Variants in LPAR6 observed in about 807,000 individuals in gnomAD.
The protein encoded by LPAR6 is G-protein coupled purinergic receptor P2Y5.
A neutral mutation model predicts 22.0 loss-of-function variants in LPAR6; 17 were observed. The ratio of observed to expected loss-of-function variants is 0.77; its 90% confidence interval spans 0.53 to 1.16. The LOEUF (loss-of-function observed/expected upper bound fraction) is 1.16. Among genes scored for constraint, LPAR6 ranks in the 50% most tolerant of loss-of-function variants. The pLI is 0.00. For synonymous variants in LPAR6, 136 were observed against 139.8 expected, an observed-to-expected ratio of 0.97 and a Z score of 0.19; for missense variants, 384 against 406.9, an observed-to-expected ratio of 0.94 and a Z score of 0.48.
intron 1 of LPAR6, chr13:48,439,675 G>A (rs149721370): frequency 1.0e-3 from 153 of 152,290 alleles, no homozygotes; most frequent in African/African-American, 3.6e-3. Context: ...GCTATTGAAT[G>A]TGTTATGATT....
downstream of LPAR6, chr13:48,406,574 T>C (rs896122145): frequency 1.3e-5 from 2 of 152,242 alleles, no homozygotes; most frequent in East Asian, 1.9e-4. Context: ...TCTTGAGGAC[T>C]TTCCACAGCT....
At chr13:48,406,866 C>T (rs1015199380), downstream of LPAR6, among the ~76,000 whole-genome samples, 2 of 152,056 alleles carry the variant, frequency 1.3e-5, no homozygotes, top group Non-Finnish European at 2.9e-5. Flanking sequence ...CCAGCCTGGG[C>T]AATATAGCAA....
At chr13:48,397,529 A>C (rs2138173842) in intron 1 of LPAR6, among the ~76,000 whole-genome samples, 1 of 152,298 alleles carries the variant, frequency 6.6e-6, no homozygotes, top group East Asian at 1.9e-4. Flanking sequence ...GCATTAGGAA[A>C]AATACCTAAT....
intron 1 of LPAR6, among the ~76,000 whole-genome samples, chr13:48,436,633 G>A (rs956431499): frequency 6.9e-6 from 1 of 145,752 alleles, no homozygotes; most frequent in African/African-American, 2.5e-5. Flanking sequence ...ACAAGAGCAA[G>A]ACTCTCTCTT....
intron 1 of LPAR6, among the ~76,000 whole-genome samples, chr13:48,433,841 C>T (rs1949155766): frequency 6.6e-6 from 1 of 151,924 alleles, no homozygotes; most frequent in African/African-American, 2.4e-5. Flanking sequence ...AGAAGCATAT[C>T]TTACAACTTT....
intron 1 of LPAR6, among the ~76,000 whole-genome samples, chr13:48,402,134 A>T (rs762722643): frequency 9.9e-5 from 15 of 152,142 alleles, no homozygotes; most frequent in African/African-American, 2.4e-4. Context: ...TGAACATAGG[A>T]TACACTAATC....
intron 2 of LPAR6, among the ~76,000 whole-genome samples, chr13:48,418,607 T>C (rs1402019773): frequency 6.7e-6 from 1 of 150,038 alleles, no homozygotes; most frequent in African/African-American, 2.5e-5. Context: ...GGATAAAGAG[T>C]CAAGACCCAT....
intron 1 of LPAR6, among the ~76,000 whole-genome samples, chr13:48,423,266 T>G (rs1391438162): frequency 6.6e-6 from 1 of 152,190 alleles, no homozygotes; most frequent in Non-Finnish European, 1.5e-5. Flanking sequence ...GTTGGGTTTT[T>G]GTTTTTGTTT....
downstream of LPAR6, among the ~76,000 whole-genome samples, chr13:48,409,714 G>T (rs1269952136): frequency 1.3e-5 from 2 of 151,166 alleles, no homozygotes; most frequent in Non-Finnish European, 2.9e-5. Flanking sequence ...CCGAGTAGCT[G>T]GGACTACAGG....
chr13:48,422,219 G>T (rs1384834615), intron 2 of LPAR6, among the ~76,000 whole-genome samples: 1 of 152,128 alleles, frequency 6.6e-6, no homozygotes, highest in Non-Finnish European at 1.5e-5. Context: ...CCTTTGCAGG[G>T]ACATGGATGA....
At chr13:48,399,456 CAT>C (rs1191770958) in intron 1 of LPAR6, among the ~76,000 whole-genome samples, 1 of 151,914 alleles carries the variant, frequency 6.6e-6, no homozygotes, top group Non-Finnish European at 1.5e-5. Flanking sequence ...TAATTTAACT[CAT>C]ATGAATAATC....
chr13:48,440,356 A>G (rs1295308193), intron 1 of LPAR6, among the ~76,000 whole-genome samples: 1 of 152,154 alleles, frequency 6.6e-6, no homozygotes, highest in Non-Finnish European at 1.5e-5. Flanking sequence ...GGCAAAGAGG[A>G]GGGAGGCTAG....
intron 2 of LPAR6, among the ~76,000 whole-genome samples, chr13:48,419,932 G>C (rs1207287004): frequency 6.6e-6 from 1 of 152,188 alleles, no homozygotes; most frequent in Non-Finnish European, 1.5e-5. Flanking sequence ...GGAGCAGATG[G>C]ATTCACAGCT....
In LPAR6 at chr13:48,412,066, A is replaced by G; in HGVS notation, c.358T>C (p.Tyr120His). 2 of 1,491,518 alleles carry G rather than the reference A, an allele frequency of 1.3e-6. No homozygotes were observed. The highest frequency in any genetic ancestry group is 1.8e-6 in the Non-Finnish European group (2 of 1,116,704). The allele number at this position is 1,491,518 out of a possible 1,614,324, so 92.4% of individuals were successfully genotyped here. A position where few individuals can be genotyped will look rare whatever the true frequency, so the allele number is the denominator to read the frequency against. ...CTTAGAGTCTTTGACTTAAATGGGT[A>G]GACAATTGCCAGAAATCGATCTACA... ...ISVDRFLAIVYPFKSKTLRTK... is the reference protein window; with the variant it reads ...ISVDRFLAIVHPFKSKTLRTK... The change falls in exon 1 of 1, where the codon TAC becomes CAC. Residue 120 changes from tyrosine (Y) to histidine (H), a missense_variant. Tyr to His is a moderately conservative substitution (Grantham distance 83). Coordinates refer to ENST00000620633, the MANE Select transcript of LPAR6 (RefSeq NM_001162498.3).
chr13:48,409,340 G>A (rs1948769371), downstream of LPAR6, among the ~76,000 whole-genome samples: 1 of 151,502 alleles, frequency 6.6e-6, no homozygotes, highest in Admixed American at 6.6e-5. Context: ...TTGAAAATGG[G>A]TTTACCTGTC....
chr13:48,432,009 G>A (rs375670741), intron 1 of LPAR6, among the ~76,000 whole-genome samples: 11 of 152,184 alleles, frequency 7.2e-5, no homozygotes, highest in African/African-American at 2.6e-4. Context: ...TTTATTTGGA[G>A]AAGACAATCA....
intron 1 of LPAR6, among the ~76,000 whole-genome samples, chr13:48,391,012 A>G (rs1327087799): frequency 6.6e-6 from 1 of 151,678 alleles, no homozygotes; most frequent in Admixed American, 6.6e-5. Flanking sequence ...TTCATTTTCT[A>G]TTTGTCTCAT....
At position 48,412,615 on chromosome 13, in the gene LPAR6, G is replaced by A. The variant is rs2233571; in HGVS notation, c.-192C>T. On this transcript the variant is annotated 5_prime_UTR_variant, in exon 1 of 1. Transcript: ENST00000620633. ...TGAAATTTGTTGCTGTAAAATTTCC[G>A]CTGGGTTCTTCAACAGGAAAATATT... 4.3e-4 allele frequency: 267 copies of A among 614,210 alleles called. No individual in the cohort carries two copies. The highest frequency in any genetic ancestry group is 2.4e-4 in the Admixed American group (8 of 34,006). The allele number at this position is 614,210 out of a possible 1,614,324, so 38.0% of individuals were successfully genotyped here.
At chr13:48,405,341 T>G (rs1402051147) in intron 1 of LPAR6, among the ~76,000 whole-genome samples, 1 of 152,188 alleles carries the variant, frequency 6.6e-6, no homozygotes, top group East Asian at 1.9e-4. Context: ...ATTTGTGTAT[T>G]AACAAAAGAA....
Sources: gnomAD v4.1 joint callset for allele counts (sites outside exome capture counted in the v4.1 genomes callset) on GRCh38, gnomAD v4.1.1 for gene constraint, MANE v1.5 for transcripts, NCBI Gene and HGNC (gene_info 2026-07-23, HGNC 2026-07-21) for gene names.